CDKAL1: variants seen among roughly 807,000 people sequenced by gnomAD.
CDKAL1 encodes CDKAL1 threonylcarbamoyladenosine tRNA methylthiotransferase.
In CDKAL1, 32 loss-of-function variants were observed where a neutral mutation model predicts 68.2. The ratio of observed to expected loss-of-function variants is 0.47; its 90% CI spans 0.35 to 0.63. The LOEUF (loss-of-function observed/expected upper bound fraction) is 0.63, where lower values mean the gene tolerates loss of function less well. CDKAL1 is among the 30% of genes least tolerant of loss of function. The pLI, the probability that CDKAL1 is intolerant of heterozygous loss-of-function variation, is 0.00. For synonymous variants in CDKAL1, 234 were observed against 244.3 expected (o/e 0.96, Z 0.39); for missense variants, 606 against 696.7 (o/e 0.87, Z 1.47).
At chr6:20,552,233 C>G (rs1268319471) in intron 4 of CDKAL1, among the ~76,000 whole-genome samples, 1 of 151,602 alleles carries the variant, frequency 6.6e-6, no homozygotes, top group Non-Finnish European at 1.5e-5. Context: ...CCTGTAGTCC[C>G]AGTTACTTGA....
chr6:20,739,865 A>G (rs1013608706), intron 6 of CDKAL1, among the ~76,000 whole-genome samples: 1 of 152,232 alleles, frequency 6.6e-6, no homozygotes, highest in Non-Finnish European at 1.5e-5. Flanking sequence ...TGGAATTTAC[A>G]TCCCTTAATA....
chr6:20,556,674 G>A (rs9350258), intron 4 of CDKAL1, among the ~76,000 whole-genome samples: 36,593 of 151,954 alleles, frequency 0.24, 5,275 homozygotes, highest in East Asian at 0.53. Context: ...TGCTAATTTT[G>A]TATAGCTTGT....
chr6:20,646,056 T>TA (rs1768442056), intron 4 of CDKAL1, among the ~76,000 whole-genome samples: 2 of 133,476 alleles, frequency 1.5e-5, no homozygotes, highest in Non-Finnish European at 3.2e-5. Flanking sequence ...AAATTTTTTT[T>TA]TTTTTTTTTT....
At chr6:21,080,634 G>T (rs1376181597) in intron 12 of CDKAL1, among the ~76,000 whole-genome samples, 5 of 152,106 alleles carry the variant, frequency 3.3e-5, no homozygotes, top group African/African-American at 1.2e-4. Flanking sequence ...CTCTGAACCT[G>T]ACCTCTTGCC....
chr6:20,987,316 T>C (rs971334183), intron 10 of CDKAL1, among the ~76,000 whole-genome samples: 1 of 151,350 alleles, frequency 6.6e-6, no homozygotes, highest in Non-Finnish European at 1.5e-5. Flanking sequence ...TGGAGTGCAG[T>C]GGCACAATCT....
intron 2 of CDKAL1, among the ~76,000 whole-genome samples, chr6:20,538,943 C>T (rs1185374498): frequency 1.3e-5 from 2 of 152,176 alleles, no homozygotes; most frequent in Non-Finnish European, 2.9e-5. Context: ...GAGATGATGC[C>T]TTTGTGCTTA....
At chr6:20,618,104 C>T (rs1244693358) in intron 4 of CDKAL1, among the ~76,000 whole-genome samples, 1 of 152,180 alleles carries the variant, frequency 6.6e-6, no homozygotes, top group Middle Eastern at 3.2e-3. Flanking sequence ...TTAATGATCG[C>T]CATTCTAACT....
intron 9 of CDKAL1, among the ~76,000 whole-genome samples, chr6:20,909,185 A>ATGTGTGTGTG (rs57042223): frequency 7.5e-5 from 9 of 119,208 alleles, no homozygotes; most frequent in African/African-American, 2.7e-4. Flanking sequence ...GTGTGCATGT[A>ATGTGTGTGTG]TGTGTGTGTG....
rs34987372 is a variant in CDKAL1 at position 20,686,084 on chromosome 6, GTT to G, written c.371+36720_371+36721del. ...TGCTAAATAGCTTATTTGTTTTAAG[GTT>G]TTTTTTTTTTTTGCCAATACTCTTG... On this transcript the variant is annotated intron_variant, in intron 5 of 15. Coordinates refer to ENST00000274695, the MANE Select transcript of CDKAL1 (RefSeq NM_017774.3). Among the ~76,000 whole-genome samples the G allele has an allele frequency of 4.1e-3, 585 of 143,348 alleles. 1 individual carries two copies. The highest frequency in any genetic ancestry group is 0.01 in the Middle Eastern group (3 of 286). The allele number at this position is 143,348 out of a possible 152,430, so 94.0% of individuals were successfully genotyped here. A position where few individuals can be genotyped will look rare whatever the true frequency, so the allele number is the denominator to read the frequency against.
rs1347100951 is a variant in CDKAL1 at position 20,955,443 on chromosome 6, C to A, written c.767C>A (p.Thr256Asn). The A allele has an allele frequency of 5.0e-6, 8 of 1,613,956 alleles. No individual in the cohort carries two copies. The Admixed American group carries it at 1.3e-4, about 27-fold the overall frequency. Residue 256 changes from threonine (T) to asparagine (N), a missense_variant, in exon 10 of 16, where the codon ACC becomes AAC. Transcript: ENST00000274695. ...GAGGGTGTTTGTGAGATATGGTTGA[C>A]CAGTGAAGACACGGGGGCTTATGGC... ...FQEGVCEIWLTSEDTGAYGRD... is the reference protein window; with the variant it reads ...FQEGVCEIWLNSEDTGAYGRD...
Position 21,207,595 on chromosome 6 carries a change from C to T in CDKAL1, c.1548+6321C>T, listed in dbSNP as rs528579957. Among the ~76,000 whole-genome samples, 16 of 152,176 alleles carry T rather than the reference C, an allele frequency of 1.1e-4. No homozygotes were observed. In the South Asian group the frequency reaches 1.3e-3, roughly 12 times the overall value. ...AATTAAGAACATGAATTCTGGATTCCGATTACCCAGGTTTGAATCTTGATT... is the reference window on the plus strand; with the variant it reads ...AATTAAGAACATGAATTCTGGATTCTGATTACCCAGGTTTGAATCTTGATT... On this transcript the variant is annotated intron_variant, in intron 15 of 15. Coordinates refer to ENST00000274695, the MANE Select transcript of CDKAL1 (RefSeq NM_017774.3).
intron 10 of CDKAL1, among the ~76,000 whole-genome samples, chr6:20,962,188 C>T (rs1765091596): frequency 6.6e-6 from 1 of 152,154 alleles, no homozygotes. Flanking sequence ...TTGACACTAA[C>T]ATTCACATTG....
intron 9 of CDKAL1, among the ~76,000 whole-genome samples, chr6:20,873,815 A>T (rs992496166): frequency 2.6e-5 from 4 of 152,226 alleles, no homozygotes; most frequent in African/African-American, 9.6e-5. Context: ...TAAGAAATCT[A>T]AGAGACCAGG....
rs555260737 is a variant in CDKAL1, at chr6:20,680,194, A to G, written c.371+30817A>G. ...TGTTTCTTGTGCCTCAGCCTCCTGAATAGCTAGGATTACAGGTGCCCACCA... is the reference window on the plus strand; with the variant it reads ...TGTTTCTTGTGCCTCAGCCTCCTGAGTAGCTAGGATTACAGGTGCCCACCA... On this transcript the variant is annotated intron_variant, in intron 5 of 15. Coordinates refer to ENST00000274695, the MANE Select transcript of CDKAL1 (RefSeq NM_017774.3). Among the ~76,000 whole-genome samples the G allele has an allele frequency of 5.9e-4, 90 of 152,020 alleles. 2 individuals carry two copies. The Middle Eastern group carries it at 0.017, about 29-fold the overall frequency.
chr6:20,806,989 G>A (rs73383304), intron 8 of CDKAL1, among the ~76,000 whole-genome samples: 3,590 of 152,142 alleles, frequency 0.024, 138 homozygotes, highest in African/African-American at 0.081. Context: ...TGTATTATTC[G>A]TCACTAGATA....
At chr6:20,956,726 G>C (rs891535029) in intron 10 of CDKAL1, among the ~76,000 whole-genome samples, 2 of 152,048 alleles carry the variant, frequency 1.3e-5, no homozygotes, top group East Asian at 1.9e-4. Flanking sequence ...TTGTTGAATG[G>C]CTTCCTTAAT....
At chr6:20,563,680 A>C (rs1764354208) in intron 4 of CDKAL1, among the ~76,000 whole-genome samples, 1 of 151,456 alleles carries the variant, frequency 6.6e-6, no homozygotes, top group South Asian at 2.1e-4. Context: ...ATTAACATAG[A>C]GATATGAAGA....
intron 3 of CDKAL1, 145 bp from the exon 4 acceptor site, chr6:20,548,448 C>T: frequency 2.9e-5 from 18 of 614,212 alleles, no homozygotes; most frequent in Non-Finnish European, 5.2e-5. Flanking sequence ...TGGGAGGATC[C>T]CTTAGGCCTG....
chr6:20,729,577 T>C (rs542901942), intron 5 of CDKAL1, among the ~76,000 whole-genome samples: 2 of 152,356 alleles, frequency 1.3e-5, no homozygotes, highest in East Asian at 3.9e-4. Flanking sequence ...AAGTACTTAC[T>C]GCGTGGCAGC....
Sources: gnomAD v4.1 joint callset for allele counts (sites outside exome capture counted in the v4.1 genomes callset) on GRCh38, gnomAD v4.1.1 for gene constraint, MANE v1.5 for transcripts, NCBI Gene and HGNC (gene_info 2026-07-23, HGNC 2026-07-21) for gene names.